The following TTC28 variants were observed in gnomAD, a reference collection of about 807,000 sequenced individuals.
The protein encoded by TTC28 is tetratricopeptide repeat protein 28.
TTC28 carries 61 observed loss-of-function variants against 198.0 expected under a neutral mutation model. The observed-to-expected ratio is 0.31, with a 90% CI of 0.25 to 0.38. TTC28 has a LOEUF of 0.38. TTC28 is among the 10% of genes least tolerant of loss of function. The pLI is 1.00. For synonymous variants in TTC28, 1,171 were observed against 1,297.8 expected, an observed-to-expected ratio of 0.90 and a Z score of 2.10; for missense variants, 2,678 against 3,164.0, an observed-to-expected ratio of 0.85 and a Z score of 3.69.
chr22:28,476,262 T>C (rs2048165548), intron 2 of TTC28, among the ~76,000 whole-genome samples: 1 of 152,218 alleles, frequency 6.6e-6, no homozygotes, highest in Non-Finnish European at 1.5e-5. Flanking sequence ...GTTTTGCTTG[T>C]TTATTAACTT....
chr22:28,548,823 T>C (rs1340986408), intron 2 of TTC28, among the ~76,000 whole-genome samples: 1 of 152,300 alleles, frequency 6.6e-6, no homozygotes, highest in African/African-American at 2.4e-5. Context: ...AGTCATGATG[T>C]TCCCCTACCT....
At chr22:28,446,145 T>C (rs1260788684) in intron 2 of TTC28, among the ~76,000 whole-genome samples, 2 of 151,946 alleles carry the variant, frequency 1.3e-5, no homozygotes, top group African/African-American at 2.4e-5. Flanking sequence ...AAAATACAAG[T>C]ATGGGAATGT....
chr22:28,541,311 G>A (rs1302329021), intron 2 of TTC28, among the ~76,000 whole-genome samples: 8 of 152,188 alleles, frequency 5.3e-5, no homozygotes, highest in African/African-American at 1.7e-4. Context: ...GACCTGCTGG[G>A]CCATAATGCA....
At chr22:28,467,294 C>A (rs938540553) in intron 2 of TTC28, among the ~76,000 whole-genome samples, 3 of 152,082 alleles carry the variant, frequency 2.0e-5, no homozygotes, top group African/African-American at 7.2e-5. Flanking sequence ...GTTGGTGGTG[C>A]ACATCTGTGG....
chr22:28,374,949 G>A (rs759430416), intron 2 of TTC28, among the ~76,000 whole-genome samples: 7 of 151,904 alleles, frequency 4.6e-5, no homozygotes, highest in Non-Finnish European at 8.8e-5. Context: ...GGTGCCAGGA[G>A]CAGTGGCTCA....
intron 2 of TTC28, among the ~76,000 whole-genome samples, chr22:28,485,722 T>C (rs780190299): frequency 9.2e-5 from 14 of 152,260 alleles, no homozygotes; most frequent in Admixed American, 3.9e-4. Flanking sequence ...ATGTAGTCAT[T>C]CTACATTTAA....
intron 1 of TTC28, among the ~76,000 whole-genome samples, chr22:28,649,145 T>G (rs1158807007): frequency 6.6e-6 from 1 of 152,078 alleles, no homozygotes; most frequent in East Asian, 1.9e-4. Context: ...CACTTATAAA[T>G]GGGAGCTAAG....
At chr22:28,047,189 T>C (rs1424735038) in intron 12 of TTC28, among the ~76,000 whole-genome samples, 3 of 152,116 alleles carry the variant, frequency 2.0e-5, no homozygotes, top group Admixed American at 6.5e-5. Context: ...GGGATACCAC[T>C]CAGAGAGCTT....
chr22:28,355,321 G>A (rs1023133174), intron 2 of TTC28, among the ~76,000 whole-genome samples: 11 of 151,940 alleles, frequency 7.2e-5, no homozygotes, highest in Admixed American at 3.3e-4. Context: ...GAGTTATCAC[G>A]GAAAGCTTTA....
chr22:28,452,694 G>C (rs764874399), intron 2 of TTC28, among the ~76,000 whole-genome samples: 45 of 152,168 alleles, frequency 3.0e-4, no homozygotes, highest in Non-Finnish European at 4.9e-4. Context: ...GGCGGTTAGG[G>C]AGGTACTTTT....
At chr22:28,569,620 A>C (rs1324146025) in intron 2 of TTC28, among the ~76,000 whole-genome samples, 2 of 152,208 alleles carry the variant, frequency 1.3e-5, no homozygotes, top group African/African-American at 4.8e-5. Flanking sequence ...AAAAAAACCT[A>C]GGAAATACCA....
chr22:28,551,439 A>G (rs1196429982), intron 2 of TTC28, among the ~76,000 whole-genome samples: 12 of 152,158 alleles, frequency 7.9e-5, no homozygotes. Flanking sequence ...AAAGAAAACT[A>G]CAGACCAATA....
intron 1 of TTC28, among the ~76,000 whole-genome samples, chr22:28,653,408 T>C (rs2051594511): frequency 6.6e-6 from 1 of 151,302 alleles, no homozygotes; most frequent in Non-Finnish European, 1.5e-5. Context: ...GAAGCTGAGG[T>C]GGGAGAATCA....
chr22:28,527,389 C>T (rs529242850), intron 2 of TTC28, among the ~76,000 whole-genome samples: 1 of 152,326 alleles, frequency 6.6e-6, no homozygotes, highest in Middle Eastern at 3.4e-3. Context: ...TTCCTCTGCA[C>T]TCCCATGTCA....
intron 6 of TTC28, among the ~76,000 whole-genome samples, chr22:28,126,882 T>G (rs1942927735): frequency 1.3e-5 from 2 of 152,174 alleles, no homozygotes; most frequent in Admixed American, 6.6e-5. Flanking sequence ...TATGACAGCC[T>G]TATCCACATG....
At chr22:28,106,983 C>T in intron 7 of TTC28, 79 bp downstream of exon 7, 3 of 1,466,408 alleles carry the variant, frequency 2.0e-6, no homozygotes, top group Non-Finnish European at 2.7e-6. Context: ...AACTGCCATG[C>T]AGACACGAAG....
intron 5 of TTC28, among the ~76,000 whole-genome samples, chr22:28,192,860 C>G (rs188253594): frequency 5.3e-4 from 81 of 152,288 alleles, no homozygotes; most frequent in Admixed American, 4.4e-3. Context: ...AAGTTGGAAA[C>G]CACTCTGCAG....
intron 20 of TTC28, among the ~76,000 whole-genome samples, chr22:27,990,435 A>T (rs975765258): frequency 6.6e-6 from 1 of 152,010 alleles, no homozygotes; most frequent in South Asian, 2.1e-4. Flanking sequence ...GGAATTACCC[A>T]CTCAAGTGTC....
chr22:28,170,269 C>T (rs1457842489), intron 5 of TTC28, among the ~76,000 whole-genome samples: 3 of 151,932 alleles, frequency 2.0e-5, no homozygotes, highest in African/African-American at 7.3e-5. Flanking sequence ...AGGCGGATCA[C>T]GAGGTCAGGA....
Sources: gnomAD v4.1 joint callset for allele counts (sites outside exome capture counted in the v4.1 genomes callset) on GRCh38, gnomAD v4.1.1 for gene constraint, MANE v1.5 for transcripts, NCBI Gene and HGNC (gene_info 2026-07-23, HGNC 2026-07-21) for gene names.